Variants in USP25 observed in about 807,000 individuals in gnomAD.
USP25 encodes the protein ubiquitin carboxyl-terminal hydrolase 25.
In USP25, 85 loss-of-function variants were observed where a neutral mutation model predicts 158.5. The observed-to-expected ratio is 0.54, with a 90% CI of 0.45 to 0.64. USP25 has a LOEUF of 0.64. USP25 is among the 30% of genes least tolerant of loss of function. The probability of loss-of-function intolerance (pLI) is 0.00; values close to 1 mark genes in which losing one functional copy is unlikely to be tolerated. For missense variants in USP25, 1,242 were observed against 1,327.3 expected, an observed-to-expected ratio of 0.94 and a Z score of 1.00; for synonymous variants, 464 against 460.4, an observed-to-expected ratio of 1.01 and a Z score of -0.10.
At chr21:15,810,387 A>G (rs148603449) in intron 8 of USP25, among the ~76,000 whole-genome samples, 3 of 152,316 alleles carry the variant, frequency 2.0e-5, no homozygotes, top group African/African-American at 7.2e-5. Context: ...ATTAATACAG[A>G]AAAATCTGTA....
At chr21:15,789,144 G>A (rs1167964254) in intron 4 of USP25, among the ~76,000 whole-genome samples, 1 of 151,978 alleles carries the variant, frequency 6.6e-6, no homozygotes, top group Non-Finnish European at 1.5e-5. Flanking sequence ...GAACTAAAAA[G>A]CTTACATTAT....
intron 17 of USP25, among the ~76,000 whole-genome samples, chr21:15,837,548 A>G (rs926569070): frequency 2.0e-5 from 3 of 152,210 alleles, no homozygotes; most frequent in Non-Finnish European, 4.4e-5. Context: ...ATCTTCAGAT[A>G]ATTCTGAGGT....
chr21:15,874,292 A>G, intron 23 of USP25, 111 bp from the exon 24 acceptor site: 1 of 987,520 alleles, frequency 1.0e-6, no homozygotes, highest in Non-Finnish European at 1.4e-6. Flanking sequence ...TTTTATTATA[A>G]TGTAGATTAT....
intron 20 of USP25, among the ~76,000 whole-genome samples, chr21:15,859,886 C>CATTAT (rs2039340473): frequency 2.0e-5 from 3 of 149,772 alleles, no homozygotes; most frequent in Admixed American, 6.6e-5. Context: ...CAAATTGTTA[C>CATTAT]ATTATATTTT....
chr21:15,864,860 A>G (rs186403802), intron 21 of USP25, among the ~76,000 whole-genome samples: 10 of 152,266 alleles, frequency 6.6e-5, no homozygotes, highest in Admixed American at 6.5e-4. Flanking sequence ...GTTGTGGCAT[A>G]CCAAAATATC....
intron 14 of USP25, among the ~76,000 whole-genome samples, chr21:15,829,865 T>G (rs188923616): frequency 5.3e-5 from 8 of 152,262 alleles, no homozygotes; most frequent in African/African-American, 1.9e-4. Flanking sequence ...AGACAGGTCT[T>G]TCCCCACTCT....
chr21:15,844,443 A>T (rs190419278), intron 18 of USP25, among the ~76,000 whole-genome samples: 2 of 152,286 alleles, frequency 1.3e-5, no homozygotes, highest in Admixed American at 1.3e-4. Flanking sequence ...GGATTAGTCA[A>T]GAGCATTATT....
chr21:15,878,499 C>T lies in USP25; in HGVS notation c.*24C>T. 1.2e-6 allele frequency: 2 copies of T among 1,611,582 alleles called. No individual in the cohort carries two copies. The highest frequency in any genetic ancestry group is 1.7e-6 in the Non-Finnish European group (2 of 1,178,576). On this transcript the variant is annotated 3_prime_UTR_variant, in exon 26 of 26. Transcript: ENST00000400183. Reference sequence around the variant, plus strand: ...AAACTGCACACTTTCCCTGAACACACTGTATAAACTCTTTTTAGTTCTTAA... The same window carrying T: ...AAACTGCACACTTTCCCTGAACACATTGTATAAACTCTTTTTAGTTCTTAA...
At chr21:15,807,017 G>T (rs1035484267) in intron 7 of USP25, among the ~76,000 whole-genome samples, 1 of 151,868 alleles carries the variant, frequency 6.6e-6, no homozygotes, top group Non-Finnish European at 1.5e-5. Context: ...TCAGCCTCCT[G>T]GGCTCAACCC....
intron 11 of USP25, 38 bp from the exon 12 acceptor site, chr21:15,824,928 G>C (rs761285087): frequency 4.0e-5 from 61 of 1,527,292 alleles, no homozygotes; most frequent in Non-Finnish European, 5.4e-5. Context: ...CTACTTTCAT[G>C]ATATTCGGAA....
intron 4 of USP25, among the ~76,000 whole-genome samples, chr21:15,783,902 G>A (rs968533824): frequency 2.0e-5 from 3 of 152,100 alleles, no homozygotes; most frequent in Non-Finnish European, 4.4e-5. Context: ...CCCAGGAGGC[G>A]GAGCTTGCAG....
chr21:15,822,842 G>A (rs1440393282), intron 10 of USP25, among the ~76,000 whole-genome samples: 1 of 151,868 alleles, frequency 6.6e-6, no homozygotes, highest in African/African-American at 2.4e-5. Context: ...ATCCGTTTCA[G>A]GTATTATCCA....
chr21:15,794,234 A>G (rs757762049), intron 5 of USP25, among the ~76,000 whole-genome samples: 2 of 151,644 alleles, frequency 1.3e-5, no homozygotes, highest in African/African-American at 2.4e-5. Context: ...ATAGCTTTGC[A>G]TACTTATTAT....
At chr21:15,775,739 A>ACCCCCCCCC in intron 3 of USP25, among the ~76,000 whole-genome samples, 1 of 14,052 alleles carries the variant, frequency 7.1e-5, no homozygotes, top group Non-Finnish European at 1.3e-4. Context: ...AATGGTTGCC[A>ACCCCCCCCC]CCCCCCCCCC....
intron 14 of USP25, among the ~76,000 whole-genome samples, chr21:15,828,503 G>A (rs1440071401): frequency 2.0e-5 from 3 of 152,184 alleles, no homozygotes; most frequent in African/African-American, 7.2e-5. Flanking sequence ...GGGACGAATC[G>A]AATGATTCTC....
At chr21:15,751,975 C>T (rs774169736) in intron 1 of USP25, among the ~76,000 whole-genome samples, 3 of 152,188 alleles carry the variant, frequency 2.0e-5, no homozygotes, top group Non-Finnish European at 2.9e-5. Flanking sequence ...GCTCTTGTTG[C>T]GCAGGTTGGA....
intron 17 of USP25, among the ~76,000 whole-genome samples, chr21:15,841,259 CCT>C: frequency 6.6e-6 from 1 of 152,112 alleles, no homozygotes; most frequent in East Asian, 1.9e-4. Context: ...TTTGTGTCCC[CCT>C]GTTGCTCTCT....
intron 21 of USP25, among the ~76,000 whole-genome samples, chr21:15,865,375 G>T (rs1257318212): frequency 6.6e-6 from 1 of 152,120 alleles, no homozygotes; most frequent in African/African-American, 2.4e-5. Flanking sequence ...GTATAGCAAA[G>T]AATATGAGGG....
intron 23 of USP25, among the ~76,000 whole-genome samples, chr21:15,873,055 G>A (rs2039959741): frequency 6.6e-6 from 1 of 152,010 alleles, no homozygotes; most frequent in South Asian, 2.1e-4. Context: ...CATGTTAGAA[G>A]GATAGTTTTG....
Sources: allele counts gnomAD v4.1 joint callset (sites outside exome capture counted in the v4.1 genomes callset), GRCh38; gene constraint gnomAD v4.1.1; transcripts MANE v1.5; gene names NCBI Gene and HGNC (gene_info 2026-07-23, HGNC 2026-07-21).